Variants in SSBP3 observed in about 807,000 individuals in gnomAD.
The protein encoded by SSBP3 is single stranded DNA binding protein 3, also known as single-stranded DNA-binding protein 3.
A neutral mutation model predicts 69.6 loss-of-function variants in SSBP3; 5 were observed. That is an observed-to-expected ratio of 0.07 (90% CI 0.04 to 0.15). The LOEUF (loss-of-function observed/expected upper bound fraction) is 0.15. Among genes scored for constraint, SSBP3 ranks in the 10% least tolerant of loss-of-function variants. The pLI, the probability that SSBP3 is intolerant of heterozygous loss-of-function variation, is 1.00. For missense variants in SSBP3, 312 were observed against 534.0 expected (o/e 0.58, Z 4.10); for synonymous variants, 196 against 193.4 (o/e 1.01, Z -0.11).
chr1:54,226,829 C>T (rs1018298332), exon 18 of SSBP3: 2 of 371,346 alleles, frequency 5.4e-6, no homozygotes, highest in Non-Finnish European at 1.0e-5. Flanking sequence ...AAAAAAGTGT[C>T]ATGTACAGAA....
intron 4 of SSBP3, among the ~76,000 whole-genome samples, chr1:54,350,240 C>T (rs1396795911): frequency 6.6e-6 from 1 of 152,206 alleles, no homozygotes; most frequent in African/African-American, 2.4e-5. Context: ...CCCAACTGTG[C>T]CATCCATAAA....
At chr1:54,384,696 GA>G (rs1647950718) in intron 4 of SSBP3, among the ~76,000 whole-genome samples, 1 of 152,326 alleles carries the variant, frequency 6.6e-6, no homozygotes, top group Admixed American at 6.5e-5. Flanking sequence ...TACAGCCCAG[GA>G]ATCTCAGGCT....
intron 1 of SSBP3, 45 bp from the exon 2 acceptor site, chr1:54,404,975 G>A: frequency 4.5e-6 from 7 of 1,548,400 alleles, no homozygotes; most frequent in Non-Finnish European, 6.2e-6. Context: ...AAAGGCGTCA[G>A]ATCCCACCGG....
At chr1:54,401,209 A>T (rs552205380) in intron 4 of SSBP3, among the ~76,000 whole-genome samples, 1 of 152,336 alleles carries the variant, frequency 6.6e-6, no homozygotes, top group South Asian at 2.1e-4. Context: ...ATAATTTCAT[A>T]AATCTTAAGA....
At chr1:54,339,500 G>A (rs1646568606) in intron 4 of SSBP3, among the ~76,000 whole-genome samples, 1 of 152,188 alleles carries the variant, frequency 6.6e-6, no homozygotes, top group Non-Finnish European at 1.5e-5. Context: ...TTACTTCACA[G>A]GCTCTTGCGG....
At chr1:54,238,381 GGCA>G in intron 14 of SSBP3, 1 of 467,212 alleles carries the variant, frequency 2.1e-6, no homozygotes, top group Non-Finnish European at 4.5e-6. Flanking sequence ...CTCCTGGAGG[GGCA>G]AGGCTGAACA....
chr1:54,317,917 C>A (rs1646143265), intron 4 of SSBP3, among the ~76,000 whole-genome samples: 2 of 152,198 alleles, frequency 1.3e-5, no homozygotes, highest in Admixed American at 1.3e-4. Context: ...AGCTGCCTGC[C>A]ACCACGCCTG....
At chr1:54,289,020 C>CAAAAAAAAA (rs777871964) in intron 4 of SSBP3, among the ~76,000 whole-genome samples, 9 of 43,888 alleles carry the variant, frequency 2.1e-4, no homozygotes, top group Non-Finnish European at 2.9e-4. Context: ...ACTCTGTCTC[C>CAAAAAAAAA]AAAAAAAAAA....
At chr1:54,238,780 T>C (rs980412130) in intron 14 of SSBP3, 3 of 283,184 alleles carry the variant, frequency 1.1e-5, no homozygotes, top group African/African-American at 4.2e-5. Context: ...AGGAGAGGGA[T>C]TGCCCGGGCC....
chr1:54,312,793 C>T (rs531063065), intron 4 of SSBP3, among the ~76,000 whole-genome samples: 1 of 152,314 alleles, frequency 6.6e-6, no homozygotes, highest in South Asian at 2.1e-4. Context: ...GGAGCCAGAG[C>T]CCACAGCACA....
At chr1:54,368,835 A>G (rs565807720) in intron 4 of SSBP3, among the ~76,000 whole-genome samples, 16 of 152,318 alleles carry the variant, frequency 1.1e-4, no homozygotes, top group African/African-American at 3.4e-4. Flanking sequence ...CGTGGCTCTC[A>G]CTTACTAGGG....
chr1:54,379,095 CGA>C (rs1376910255), intron 4 of SSBP3, among the ~76,000 whole-genome samples: 1 of 152,158 alleles, frequency 6.6e-6, no homozygotes, highest in East Asian at 1.9e-4. Flanking sequence ...CCTCCAGCCC[CGA>C]TCTGCCACCC....
intron 4 of SSBP3, among the ~76,000 whole-genome samples, chr1:54,379,275 G>A (rs1162554485): frequency 6.6e-6 from 1 of 152,248 alleles, no homozygotes; most frequent in Non-Finnish European, 1.5e-5. Context: ...CTCAGATGCT[G>A]TGAAGCCCTA....
At chr1:54,381,382 C>CAAAAAAAAAAAAAAAAAAAAAAAAAA (rs59809996) in intron 4 of SSBP3, among the ~76,000 whole-genome samples, 1 of 69,458 alleles carries the variant, frequency 1.4e-5, no homozygotes. Flanking sequence ...TACACCATCT[C>CAAAAAAAAAAAAAAAAAAAAAAAAAA]AAAAAAAAAA....
chr1:54,357,662 G>A (rs1486315484), intron 4 of SSBP3, among the ~76,000 whole-genome samples: 1 of 152,230 alleles, frequency 6.6e-6, no homozygotes, highest in Non-Finnish European at 1.5e-5. Context: ...AGCTATTCAG[G>A]AGGCTGAGGC....
chr1:54,325,207 C>T (rs367641294), intron 4 of SSBP3, among the ~76,000 whole-genome samples: 9 of 152,306 alleles, frequency 5.9e-5, no homozygotes, highest in East Asian at 1.9e-4. Flanking sequence ...CAGCACTGAG[C>T]GCCCAGTGCC....
chr1:54,343,837 G>C (rs964553471), intron 4 of SSBP3, among the ~76,000 whole-genome samples: 19 of 152,190 alleles, frequency 1.2e-4, no homozygotes, highest in Non-Finnish European at 2.2e-4. Context: ...ATTGGTTCTT[G>C]GCAACATCAA....
chr1:54,288,776 T>C (rs1176008952), intron 4 of SSBP3, among the ~76,000 whole-genome samples: 2 of 152,022 alleles, frequency 1.3e-5, no homozygotes, highest in African/African-American at 4.8e-5. Context: ...CAGTCCACTC[T>C]GGGAGGCCAA....
intron 4 of SSBP3, among the ~76,000 whole-genome samples, chr1:54,387,883 G>C (rs564270163): frequency 6.6e-6 from 1 of 152,032 alleles, no homozygotes; most frequent in Non-Finnish European, 1.5e-5. Flanking sequence ...GCAAGGCCCC[G>C]AGCCAGAACA....
Sources: allele counts gnomAD v4.1 joint callset (sites outside exome capture counted in the v4.1 genomes callset), GRCh38; gene constraint gnomAD v4.1.1; transcripts MANE v1.5; gene names NCBI Gene and HGNC (gene_info 2026-07-23, HGNC 2026-07-21).